The following TRIM2 variants were observed in gnomAD, a reference collection of about 807,000 sequenced individuals.
The protein encoded by TRIM2 is tripartite motif containing 2.
Under a neutral mutation model 75.2 loss-of-function variants are expected in TRIM2, and 20 were observed. That is an observed-to-expected ratio of 0.27 (90% CI 0.19 to 0.39). The LOEUF is 0.39. TRIM2 is among the 10% of genes least tolerant of loss of function. The probability of loss-of-function intolerance (pLI) is 1.00; values close to 1 mark genes in which losing one functional copy is unlikely to be tolerated. For synonymous variants in TRIM2, 373 were observed against 388.3 expected, an observed-to-expected ratio of 0.96 and a Z score of 0.46; for missense variants, 660 against 990.8, an observed-to-expected ratio of 0.67 and a Z score of 4.48.
intron 1 of TRIM2, among the ~76,000 whole-genome samples, chr4:153,172,772 C>T (rs1731015383): frequency 6.6e-6 from 1 of 152,032 alleles, no homozygotes; most frequent in African/African-American, 2.4e-5. Flanking sequence ...GGTAGTTCGA[C>T]AAGGACTGAA....
intron 1 of TRIM2, among the ~76,000 whole-genome samples, chr4:153,217,574 A>G (rs1738824522): frequency 6.6e-6 from 1 of 152,226 alleles, no homozygotes; most frequent in African/African-American, 2.4e-5. Context: ...ATAGTGACTC[A>G]GTGATGCTTG....
intron 1 of TRIM2, among the ~76,000 whole-genome samples, chr4:153,159,296 C>CTT (rs11318531): frequency 0.38 from 33,928 of 89,204 alleles, 8,094 homozygotes; most frequent in Non-Finnish European, 0.47. Context: ...TTTACAAAAT[C>CTT]TTTTTTTTTT....
chr4:153,229,409 C>T (rs760412947), intron 1 of TRIM2, among the ~76,000 whole-genome samples: 11 of 152,050 alleles, frequency 7.2e-5, no homozygotes, highest in Non-Finnish European at 1.6e-4. Context: ...GACTACAGGT[C>T]CCATGCCTGG....
chr4:153,336,356 A>AAC lies in TRIM2; in HGVS notation c.*1391_*1392insCA. On this transcript the variant is annotated 3_prime_UTR_variant, in exon 12 of 12. Coordinates refer to ENST00000338700, the MANE Select transcript of TRIM2 (RefSeq NM_015271.5). Reference sequence around the variant, plus strand: ...TGGCCTTCTGTGCTTTCAAAAAAAAAAACAAAAAAAAAACCACACACACAC... The same window carrying AAC: ...TGGCCTTCTGTGCTTTCAAAAAAAAAACAACAAAAAAAAAACCACACACACAC... The AAC allele has an allele frequency of 1.0e-6, 1 of 984,622 alleles. No individual in the cohort carries two copies. Among genetic ancestry groups the AAC allele is most frequent in the Non-Finnish European group, 1.2e-6 (1 of 829,322 alleles). 61.0% of individuals were successfully genotyped at this position (984,622 alleles called of 1,614,324 possible).
At chr4:153,228,605 G>A (rs1169818550) in intron 1 of TRIM2, among the ~76,000 whole-genome samples, 1 of 152,188 alleles carries the variant, frequency 6.6e-6, no homozygotes, top group Non-Finnish European at 1.5e-5. Context: ...CCAGACTCCT[G>A]CCACCATTAA....
At chr4:153,318,347 C>G (rs1768156898) in intron 8 of TRIM2, among the ~76,000 whole-genome samples, 2 of 152,190 alleles carry the variant, frequency 1.3e-5, no homozygotes, top group Non-Finnish European at 2.9e-5. Context: ...ATTTGAGCCT[C>G]TGTTTTGTGT....
intron 3 of TRIM2, among the ~76,000 whole-genome samples, chr4:153,286,765 A>ACC (rs1197728432): frequency 1.2e-3 from 58 of 47,480 alleles, no homozygotes; most frequent in African/African-American, 4.3e-3. Context: ...ACCACCCCGC[A>ACC]CCCCCCCACC....
intron 1 of TRIM2, among the ~76,000 whole-genome samples, chr4:153,242,913 T>C (rs1375742551): frequency 6.6e-6 from 1 of 152,210 alleles, no homozygotes; most frequent in Non-Finnish European, 1.5e-5. Context: ...ATATCTCCAC[T>C]GAGCACCAGG....
At chr4:153,298,995 T>A (rs908221523) in intron 6 of TRIM2, among the ~76,000 whole-genome samples, 6 of 152,118 alleles carry the variant, frequency 3.9e-5, no homozygotes, top group Non-Finnish European at 8.8e-5. Flanking sequence ...CATCTCAGCC[T>A]CCCAAAGTGC....
intron 6 of TRIM2, among the ~76,000 whole-genome samples, chr4:153,312,684 C>T (rs900749517): frequency 6.6e-5 from 10 of 152,188 alleles, no homozygotes; most frequent in South Asian, 2.1e-4. Flanking sequence ...AAATACCATT[C>T]GACCCAGCCA....
At chr4:153,279,261 G>A (rs1446071938) in intron 3 of TRIM2, among the ~76,000 whole-genome samples, 1 of 152,172 alleles carries the variant, frequency 6.6e-6, no homozygotes, top group South Asian at 2.1e-4. Flanking sequence ...AAAGGCCTGT[G>A]CTAAAGTCTG....
chr4:153,280,327 T>C (rs1032331742), intron 3 of TRIM2, among the ~76,000 whole-genome samples: 12 of 151,536 alleles, frequency 7.9e-5, no homozygotes, highest in African/African-American at 2.7e-4. Context: ...AAATCATTAG[T>C]AGCTTAATTA....
rs1772539240 is a variant in TRIM2, at chr4:153,337,077, T to C, written c.*2111T>C. 1.0e-6 allele frequency: 1 copy of C among 985,380 alleles called. No homozygotes were observed. Among genetic ancestry groups the C allele is most frequent in the Non-Finnish European group, 1.2e-6 (1 of 829,880 alleles). The allele number at this position is 985,380 out of a possible 1,614,324, so 61.0% of individuals were successfully genotyped here. On this transcript the variant is annotated 3_prime_UTR_variant, in exon 12 of 12. Transcript: ENST00000338700. ...CGCTGCCCCCTCAGAGCTGACATTC[T>C]GGGGTGGGAATTTCATTTTGCCACG...
intron 1 of TRIM2, among the ~76,000 whole-genome samples, chr4:153,216,207 T>G (rs976773470): frequency 2.0e-5 from 3 of 152,234 alleles, no homozygotes; most frequent in Admixed American, 1.3e-4. Flanking sequence ...TAAGCATCCC[T>G]GGAGACTAAG....
chr4:153,253,771 C>T (rs1441914977), intron 1 of TRIM2, among the ~76,000 whole-genome samples: 3 of 152,170 alleles, frequency 2.0e-5, no homozygotes, highest in Non-Finnish European at 4.4e-5. Context: ...AGCGCTGCGA[C>T]AGTTTACAAA....
intron 6 of TRIM2, among the ~76,000 whole-genome samples, chr4:153,307,449 A>G (rs998215518): frequency 2.0e-5 from 3 of 150,142 alleles, no homozygotes; most frequent in Admixed American, 6.6e-5. Context: ...AAAAAAATAT[A>G]TATTTTTTTA....
chr4:153,208,383 A>G (rs943664478), intron 1 of TRIM2, among the ~76,000 whole-genome samples: 2 of 152,124 alleles, frequency 1.3e-5, no homozygotes, highest in Non-Finnish European at 2.9e-5. Context: ...TTTCTTACAC[A>G]AAGAAATTAC....
At chr4:153,224,368 G>A (rs1420274153) in intron 1 of TRIM2, among the ~76,000 whole-genome samples, 1 of 152,116 alleles carries the variant, frequency 6.6e-6, no homozygotes, top group African/African-American at 2.4e-5. Context: ...GTTGGGCAGG[G>A]CCATCTACAC....
chr4:153,186,595 C>T (rs1375385323), intron 1 of TRIM2, among the ~76,000 whole-genome samples: 1 of 152,158 alleles, frequency 6.6e-6, no homozygotes, highest in Non-Finnish European at 1.5e-5. Flanking sequence ...GAATCTTCTC[C>T]TCGAGTTACA....
Sources: gnomAD v4.1 joint callset for allele counts (sites outside exome capture counted in the v4.1 genomes callset) on GRCh38, gnomAD v4.1.1 for gene constraint, MANE v1.5 for transcripts, NCBI Gene and HGNC (gene_info 2026-07-23, HGNC 2026-07-21) for gene names.